Variants in JMJD1C observed in about 807,000 individuals in gnomAD.
JMJD1C encodes the protein jumonji domain containing 1C.
A neutral mutation model predicts 245.3 loss-of-function variants in JMJD1C; 31 were observed. The observed-to-expected ratio is 0.13, with a 90% CI of 0.09 to 0.17. JMJD1C has a LOEUF of 0.17. Ranked by LOEUF, JMJD1C falls within the 10% of genes least tolerant of loss-of-function variation. JMJD1C has a pLI of 1.00. For missense variants in JMJD1C, 2,691 were observed against 3,000.2 expected, an observed-to-expected ratio of 0.90 and a Z score of 2.41; for synonymous variants, 1,057 against 1,017.4, an observed-to-expected ratio of 1.04 and a Z score of -0.74.
At chr10:63,332,533 G>T (rs1386029270) in intron 2 of JMJD1C, among the ~76,000 whole-genome samples, 1 of 152,208 alleles carries the variant, frequency 6.6e-6, no homozygotes, top group Admixed American at 6.5e-5. Flanking sequence ...GGCAGAGAAA[G>T]AAATGAATGG....
At chr10:63,201,953 A>G (rs925255983) in intron 10 of JMJD1C, among the ~76,000 whole-genome samples, 5 of 151,856 alleles carry the variant, frequency 3.3e-5, no homozygotes, top group African/African-American at 1.2e-4. Flanking sequence ...GAGGAAAGAA[A>G]AAAAAAAGCA....
chr10:63,427,529 T>C (rs1589728233), intron 1 of JMJD1C: 2 of 1,362,828 alleles, frequency 1.5e-6, no homozygotes, highest in African/African-American at 2.9e-5. Context: ...CTTCATTCAG[T>C]GTACATCCTG....
intron 25 of JMJD1C, 69 bp downstream of exon 25, chr10:63,168,366 G>A (rs1260256779): frequency 1.8e-5 from 27 of 1,482,488 alleles, no homozygotes; most frequent in Non-Finnish European, 2.5e-5. Context: ...TGCCTAAGCT[G>A]TTATACATGT....
chr10:63,168,072 A>G lies in JMJD1C; in HGVS notation c.7596T>C (p.Asp2532=), dbSNP rs1354113912. ...EMVRALKIHE[D]EVEDMEEN ...AATTTTCTTCCATATCCTCTACTTCATCCTCGTGTATCTTCAAGGCTCTCA... is the reference window on the plus strand; with the variant it reads ...AATTTTCTTCCATATCCTCTACTTCGTCCTCGTGTATCTTCAAGGCTCTCA... The change falls in exon 26 of 26, where the codon GAT becomes GAC. Residue 2532 remains aspartate (D), a synonymous_variant. Coordinates refer to ENST00000399262, the MANE Select transcript of JMJD1C (RefSeq NM_032776.3). 1.2e-6 allele frequency: 2 copies of G among 1,602,308 alleles called. No individual in the cohort carries two copies. The highest frequency in any genetic ancestry group is 1.7e-6 in the Non-Finnish European group (2 of 1,169,954).
chr10:63,403,465 G>C (rs1217800571), intron 1 of JMJD1C, among the ~76,000 whole-genome samples: 2 of 152,174 alleles, frequency 1.3e-5, no homozygotes, highest in African/African-American at 4.8e-5. Context: ...ATTAGAACCA[G>C]AGACATTGAA....
At chr10:63,316,273 CGCAG>C (rs1554884731) in intron 2 of JMJD1C, among the ~76,000 whole-genome samples, 1 of 152,186 alleles carries the variant, frequency 6.6e-6, no homozygotes, top group Non-Finnish European at 1.5e-5. Flanking sequence ...GTTAGAAGTA[CGCAG>C]TAATTTTCAT....
chr10:63,444,987 G>A (rs1951619922), intron 1 of JMJD1C, among the ~76,000 whole-genome samples: 1 of 152,108 alleles, frequency 6.6e-6, no homozygotes, highest in Non-Finnish European at 1.5e-5. Flanking sequence ...ATCACTTTGG[G>A]AAGCTGAGGT....
At chr10:63,518,331 AC>A (rs1317598153) in intron 1 of JMJD1C, among the ~76,000 whole-genome samples, 1 of 152,174 alleles carries the variant, frequency 6.6e-6, no homozygotes, top group Non-Finnish European at 1.5e-5. Context: ...CTGCTTTACC[AC>A]CCTGAAACAA....
At chr10:63,242,252 T>C (rs1851569952) in intron 3 of JMJD1C, among the ~76,000 whole-genome samples, 1 of 152,216 alleles carries the variant, frequency 6.6e-6, no homozygotes, top group African/African-American at 2.4e-5. Context: ...TGAGAAGAAT[T>C]TTCTACAGCA....
intron 2 of JMJD1C, among the ~76,000 whole-genome samples, chr10:63,351,237 C>T (rs1317549982): frequency 6.6e-6 from 1 of 151,912 alleles, no homozygotes; most frequent in Non-Finnish European, 1.5e-5. Flanking sequence ...TGCCACCACG[C>T]CCAGCTAATT....
At chr10:63,212,151 G>A (rs1170309235) in intron 8 of JMJD1C, among the ~76,000 whole-genome samples, 1 of 152,192 alleles carries the variant, frequency 6.6e-6, no homozygotes, top group Non-Finnish European at 1.5e-5. Flanking sequence ...AAGAAAGGTG[G>A]TTGCCAAGGG....
intron 2 of JMJD1C, among the ~76,000 whole-genome samples, chr10:63,374,681 G>A (rs1475275960): frequency 6.6e-6 from 1 of 152,156 alleles, no homozygotes; most frequent in Non-Finnish European, 1.5e-5. Context: ...CCTAGAACTG[G>A]AAACTACAAT....
chr10:63,330,165 G>A (rs1021917055), intron 2 of JMJD1C, among the ~76,000 whole-genome samples: 6 of 152,074 alleles, frequency 3.9e-5, no homozygotes, highest in Admixed American at 3.9e-4. Context: ...ACCTCCCAAA[G>A]TGCTGGGACT....
intron 2 of JMJD1C, among the ~76,000 whole-genome samples, chr10:63,344,994 T>C (rs1054662610): frequency 1.3e-5 from 2 of 152,184 alleles, no homozygotes; most frequent in Non-Finnish European, 2.9e-5. Context: ...ATTAAATATA[T>C]TCTTACCATA....
At chr10:63,521,582 G>A (rs1327106804) in intron 1 of JMJD1C, 1 of 1,417,014 alleles carries the variant, frequency 7.1e-7, no homozygotes. Flanking sequence ...CGTGGTGTAA[G>A]TGCCTCTCAC....
In JMJD1C at chr10:63,219,972, G is replaced by A; in HGVS notation, c.459C>T (p.Asp153=). ...TGTCCCTGAGAACTGGGTTTAGGCTGTCTATGTCGTCCTAGAATTATAGAT... is the reference window on the plus strand; with the variant it reads ...TGTCCCTGAGAACTGGGTTTAGGCTATCTATGTCGTCCTAGAATTATAGAT... ...SAFQPYQDDI[D]SLNPVLRDNP... is the part of the protein sequence containing the mutation. The change falls in exon 4 of 26, where the codon GAC becomes GAT. Residue 153 remains aspartate, a synonymous_variant. Transcript: ENST00000399262. 1 of 1,610,674 alleles carries A rather than the reference G, an allele frequency of 6.2e-7. No homozygotes were observed. The highest frequency in any genetic ancestry group is 8.5e-7 in the Non-Finnish European group (1 of 1,177,540).
intron 10 of JMJD1C, chr10:63,203,153 A>G: frequency 6.1e-6 from 6 of 984,918 alleles, no homozygotes; most frequent in African/African-American, 1.7e-5. Flanking sequence ...TTGATATTAT[A>G]ATTTTTGCTT....
At chr10:63,503,052 G>C (rs1954610053) in intron 1 of JMJD1C, among the ~76,000 whole-genome samples, 1 of 152,182 alleles carries the variant, frequency 6.6e-6, no homozygotes, top group Admixed American at 6.5e-5. Context: ...GAGTCTTAAA[G>C]CTAAATGATC....
At chr10:63,220,055 A>G in intron 3 of JMJD1C, 72 bp from the exon 4 acceptor site, 1 of 1,114,268 alleles carries the variant, frequency 9.0e-7, no homozygotes, top group East Asian at 2.4e-5. Flanking sequence ...TTTCCCTCCT[A>G]TACGTTCTAA....
Sources: allele counts gnomAD v4.1 joint callset (sites outside exome capture counted in the v4.1 genomes callset), GRCh38; gene constraint gnomAD v4.1.1; transcripts MANE v1.5; gene names NCBI Gene and HGNC (gene_info 2026-07-23, HGNC 2026-07-21).